The following HOXA13 variants were observed in gnomAD, a reference collection of about 807,000 sequenced individuals.
HOXA13 encodes homeobox A13.
In HOXA13, 5 loss-of-function variants were observed where a neutral mutation model predicts 25.7. The ratio of observed to expected loss-of-function variants is 0.19; its 90% CI spans 0.10 to 0.41. The LOEUF is 0.41. Among genes scored for constraint, HOXA13 ranks in the 10% least tolerant of loss-of-function variants. HOXA13 has a pLI of 1.00. For synonymous variants in HOXA13, 284 were observed against 241.1 expected, an observed-to-expected ratio of 1.18 and a Z score of -1.65; for missense variants, 557 against 533.5, an observed-to-expected ratio of 1.04 and a Z score of -0.43.
chr7:27,198,512 T>C, intron 1 of HOXA13, 70 bp from the exon 2 acceptor site: 1 of 1,597,934 alleles, frequency 6.3e-7, no homozygotes, highest in Non-Finnish European at 8.5e-7. Context: ...GACAGCTCGA[T>C]CTGAGCCACC....
Position 27,199,519 on chromosome 7 carries a change from G to A in HOXA13, c.559C>T (p.His187Tyr), listed in dbSNP as rs1269863211. 3 of 1,594,676 alleles carry A rather than the reference G, an allele frequency of 1.9e-6. No individual in the cohort carries two copies. Among genetic ancestry groups the A allele is most frequent in the Admixed American group, 3.5e-5 (2 of 57,418 alleles). The change falls in exon 1 of 2, where the codon CAC (histidine) becomes TAC (tyrosine). Residue 187 changes from histidine (H) to tyrosine (Y), a missense_variant. Transcript: ENST00000649031. ...GYYPCARMGP[H>Y]PNAIKSCAQP... ...GCGCACGACTTGATGGCGTTGGGGT[G>A]CGGGCCCATGCGGGCGCACGGGTAG...
intron 1 of HOXA13, 154 bp from the exon 2 acceptor site, chr7:27,198,596 TG>T: frequency 2.3e-6 from 2 of 853,208 alleles, no homozygotes; most frequent in East Asian, 5.2e-5. Flanking sequence ...AGAGGGTCAG[TG>T]GGGAAGGTAG....
At chr7:27,198,761 G>A (rs903610557) in intron 1 of HOXA13, 1 of 513,924 alleles carries the variant, frequency 1.9e-6, no homozygotes, top group Non-Finnish European at 3.5e-6. Flanking sequence ...TTCTGTGCCT[G>A]CCTCCTTTCT....
chr7:27,198,612 T>C (rs1013684148), intron 1 of HOXA13, 170 bp from the exon 2 acceptor site: 5 of 754,056 alleles, frequency 6.6e-6, no homozygotes, highest in Non-Finnish European at 8.7e-6. Flanking sequence ...AGGTAGTTAG[T>C]TCTGAACTGA....
Position 27,199,186 on chromosome 7 carries a change from G to A in HOXA13, c.892C>T (p.Pro298Ser). 6.2e-7 allele frequency: 1 copy of A among 1,612,508 alleles called. No individual in the cohort carries two copies. Among genetic ancestry groups the A allele is most frequent in the Non-Finnish European group, 8.5e-7 (1 of 1,179,380 alleles). Reference protein sequence around the residue: ...QMYCPKEQAQPPHLWKSTLPD... With the variant: ...QMYCPKEQAQSPHLWKSTLPD... ...AGAGTGGACTTCCAGAGGTGGGGAG[G>A]CTGCGCCTGCTCTTTGGGGCAGTAC... Residue 298 changes from proline (P) to serine (S), a missense_variant, in exon 1 of 2, where the codon CCT becomes TCT. Pro to Ser is a moderately conservative substitution (Grantham distance 74, BLOSUM62 -1). Transcript: ENST00000649031.
chr7:27,198,723 C>T (rs1456888149), intron 1 of HOXA13: 1 of 556,032 alleles, frequency 1.8e-6, no homozygotes, highest in South Asian at 2.0e-5. Context: ...ACGGCCCACA[C>T]CTTAGCGCCA....
At chr7:27,199,037 A>C (rs1052038488) in intron 1 of HOXA13, 119 bp downstream of exon 1, 1 of 965,698 alleles carries the variant, frequency 1.0e-6, no homozygotes, top group Admixed American at 2.7e-5. Context: ...CCAGGGGTGC[A>C]GAGCCGCTAG....
rs1272951714 is a variant in HOXA13, at chr7:27,199,750, C to A, written c.328G>T (p.Gly110Trp). Reference protein sequence around the residue: ...GAASAYSSAPGEAPPSAAAAA... With the variant: ...GAASAYSSAPWEAPPSAAAAA... Reference sequence around the variant, plus strand: ...GCGGCAGCCGACGGGGGCGCCTCCCCGGGGGCGCTGCTGTAGGCGGACGCG... The same window carrying A: ...GCGGCAGCCGACGGGGGCGCCTCCCAGGGGGCGCTGCTGTAGGCGGACGCG... Residue 110 changes from glycine to tryptophan, a missense_variant, in exon 1 of 2, where the codon GGG becomes TGG. Coordinates refer to ENST00000649031, the MANE Select transcript of HOXA13 (RefSeq NM_000522.5). 6 of 997,918 alleles carry A rather than the reference C, an allele frequency of 6.0e-6. No individual in the cohort carries two copies. Among genetic ancestry groups the A allele is most frequent in the Admixed American group, 5.9e-5 (1 of 17,024 alleles). 61.8% of individuals were successfully genotyped at this position (997,918 alleles called of 1,614,324 possible). A position where few individuals can be genotyped will look rare whatever the true frequency, so the allele number is the denominator to read the frequency against.
In HOXA13 at chr7:27,199,519, G is replaced by C. The variant is rs1269863211; in HGVS notation, c.559C>G (p.His187Asp). ...GYYPCARMGP[H>D]PNAIKSCAQP... is the part of the protein sequence containing the mutation. ...GCGCACGACTTGATGGCGTTGGGGT[G>C]CGGGCCCATGCGGGCGCACGGGTAG... The change falls in exon 1 of 2, where the codon CAC becomes GAC. Residue 187 changes from histidine (H) to aspartate (D), a missense_variant. His to Asp is a moderately conservative substitution (Grantham distance 81, BLOSUM62 -1). Transcript: ENST00000649031. 6 of 1,594,792 alleles carry C rather than the reference G, an allele frequency of 3.8e-6. No homozygotes were observed. The highest frequency in any genetic ancestry group is 5.1e-6 in the Non-Finnish European group (6 of 1,171,482).
chr7:27,199,870 A>T lies in HOXA13; in HGVS notation c.208T>A (p.Phe70Ile). 1 of 1,030,850 alleles carries T rather than the reference A, an allele frequency of 9.7e-7. No individual in the cohort carries two copies. Among genetic ancestry groups the T allele is most frequent in the Non-Finnish European group, 1.2e-6 (1 of 856,324 alleles). 63.9% of individuals were successfully genotyped at this position (1,030,850 alleles called of 1,614,324 possible). ...GCCGCGGCCGCCGCCGCCACCGAGA[A>T]GTTGCCCCCTGCCGCCGCAGCCGCC... The part of the protein sequence containing the change: ...HPAAAAAGGN[F>I]SVAAAAAAAA... Residue 70 changes from phenylalanine (F) to isoleucine (I), a missense_variant, in exon 1 of 2, where the codon TTC becomes ATC. Physicochemically the swap from Phe to Ile is conservative, Grantham distance 21. Transcript: ENST00000649031.
Position 27,197,943 on chromosome 7 carries a change from A to G in HOXA13, c.*255T>C. 1.9e-6 allele frequency: 1 copy of G among 535,156 alleles called. No individual in the cohort carries two copies. The allele number at this position is 535,156 out of a possible 1,614,324, so 33.2% of individuals were successfully genotyped here. A position where few individuals can be genotyped will look rare whatever the true frequency, so the allele number is the denominator to read the frequency against. ...CTGAAATTGCGTATTTTGGGGGTTG[A>G]CGTTTGACATTTAACGGGCTGGGCT... On this transcript the variant is annotated 3_prime_UTR_variant, in exon 2 of 2. Coordinates refer to ENST00000649031, the MANE Select transcript of HOXA13 (RefSeq NM_000522.5).
In HOXA13 at chr7:27,194,704, A is replaced by G. The variant is rs1480927501; in HGVS notation, c.*3494T>C. 1 of 152,160 alleles carries G rather than the reference A, an allele frequency of 6.6e-6. No individual in the cohort carries two copies. The highest frequency in any genetic ancestry group is 1.5e-5 in the Non-Finnish European group (1 of 68,034). The allele number at this position is 152,160 out of a possible 1,614,324, so 9.4% of individuals were successfully genotyped here. On this transcript the variant is annotated 3_prime_UTR_variant, in exon 2 of 2. Coordinates refer to ENST00000649031, the MANE Select transcript of HOXA13 (RefSeq NM_000522.5). ...ACCATTTTAGAACTGGGGGGAAAAA[A>G]TCCCCACAACAACCCTGAAATGTCT...
Position 27,200,026 on chromosome 7 carries a change from A to G in HOXA13, c.52T>C (p.Phe18Leu). The change falls in exon 1 of 2, where the codon TTT becomes CTT. Residue 18 changes from phenylalanine to leucine, a missense_variant. Coordinates refer to ENST00000649031, the MANE Select transcript of HOXA13 (RefSeq NM_000522.5). ...HPRWIEPTVM[F>L]LYDNGGGLVA... ...AGGCCGCCGCCGTTGTCGTAGAGAA[A>G]CATGACGGTGGGCTCGATCCAGCGG... 1.3e-6 allele frequency: 2 copies of G among 1,488,980 alleles called. No homozygotes were observed. Among genetic ancestry groups the G allele is most frequent in the Non-Finnish European group, 1.8e-6 (2 of 1,105,612 alleles). The allele number at this position is 1,488,980 out of a possible 1,614,324, so 92.2% of individuals were successfully genotyped here.
Position 27,199,993 on chromosome 7 carries a change from C to T in HOXA13, c.85G>A (p.Asp29Asn). ...LYDNGGGLVA[D>N]ELNKNMEGAA... is the part of the protein sequence containing the mutation. ...CCTTCCATGTTCTTGTTGAGCTCGTCGGCCACCAGGCCGCCGCCGTTGTCG... is the reference window on the plus strand; with the variant it reads ...CCTTCCATGTTCTTGTTGAGCTCGTTGGCCACCAGGCCGCCGCCGTTGTCG... The change falls in exon 1 of 2, where the codon GAC becomes AAC. Residue 29 changes from aspartate to asparagine, a missense_variant. Physicochemically the swap from Asp to Asn is conservative, Grantham distance 23 (BLOSUM62 1). Transcript: ENST00000649031. 1 of 1,480,698 alleles carries T rather than the reference C, an allele frequency of 6.8e-7. No individual in the cohort carries two copies. Among genetic ancestry groups the T allele is most frequent in the Non-Finnish European group, 9.1e-7 (1 of 1,103,308 alleles). The allele number at this position is 1,480,698 out of a possible 1,614,324, so 91.7% of individuals were successfully genotyped here. A position where few individuals can be genotyped will look rare whatever the true frequency, so the allele number is the denominator to read the frequency against.
At position 27,197,078 on chromosome 7, in the gene HOXA13, G is replaced by A. The variant is rs950063976; in HGVS notation, c.*1120C>T. The A allele has an allele frequency of 1.5e-5, 3 of 205,566 alleles. No homozygotes were observed. Among genetic ancestry groups the A allele is most frequent in the African/African-American group, 4.6e-5 (2 of 43,816 alleles). 12.7% of individuals were successfully genotyped at this position (205,566 alleles called of 1,614,324 possible). On this transcript the variant is annotated 3_prime_UTR_variant, in exon 2 of 2. Transcript: ENST00000649031. ...AACGAATGTGCTGGTTGAAATAACTGCTTGATTAAAAATGTGCTGTGAAGA... is the reference window on the plus strand; with the variant it reads ...AACGAATGTGCTGGTTGAAATAACTACTTGATTAAAAATGTGCTGTGAAGA...
At position 27,199,496 on chromosome 7, in the gene HOXA13, G is replaced by A. The variant is rs1391250154; in HGVS notation, c.582C>T (p.Cys194=). ...MGPHPNAIKS[C]AQPASAAAAA... ...CGGCGGCGGCCGAGGCGGGCTGCGC[G>A]CACGACTTGATGGCGTTGGGGTGCG... The change falls in exon 1 of 2, where the codon TGC becomes TGT. Residue 194 remains cysteine, a synonymous_variant. Coordinates refer to ENST00000649031, the MANE Select transcript of HOXA13 (RefSeq NM_000522.5). 3 of 1,607,690 alleles carry A rather than the reference G, an allele frequency of 1.9e-6. No individual in the cohort carries two copies. The highest frequency in any genetic ancestry group is 1.7e-5 in the Admixed American group (1 of 59,520).
chr7:27,199,049 G>T, intron 1 of HOXA13, 107 bp downstream of exon 1: 1 of 1,100,572 alleles, frequency 9.1e-7, no homozygotes, highest in Non-Finnish European at 1.3e-6. Flanking sequence ...AGCCGCTAGG[G>T]CAGACCAGGA....
Position 27,199,621 on chromosome 7 carries a change from A to T in HOXA13, c.457T>A (p.Cys153Ser). The T allele has an allele frequency of 1.4e-6, 2 of 1,401,292 alleles. No individual in the cohort carries two copies. The highest frequency in any genetic ancestry group is 1.8e-6 in the Non-Finnish European group (2 of 1,085,836). 86.8% of individuals were successfully genotyped at this position (1,401,292 alleles called of 1,614,324 possible). A position where few individuals can be genotyped will look rare whatever the true frequency, so the allele number is the denominator to read the frequency against. ...GPAGAEAAKQ[C>S]SPCSAAAQSS... ...TGCGCCGCTGCCGAGCAGGGGCTGC[A>T]TTGCTTGGCGGCCTCTGCGCCCGCC... Residue 153 changes from cysteine (C) to serine (S), a missense_variant, in exon 1 of 2, where the codon TGC (cysteine) becomes AGC (serine). Cys to Ser is a moderately radical substitution (Grantham distance 112). Transcript: ENST00000649031.
Position 27,195,950 on chromosome 7 carries a change from A to G in HOXA13, c.*2248T>C, listed in dbSNP as rs1783999287. The G allele has an allele frequency of 1.3e-5, 2 of 152,246 alleles. No homozygotes were observed. The highest frequency in any genetic ancestry group is 1.3e-4 in the Admixed American group (2 of 15,284). 9.4% of individuals were successfully genotyped at this position (152,246 alleles called of 1,614,324 possible). On this transcript the variant is annotated 3_prime_UTR_variant, in exon 2 of 2. Coordinates refer to ENST00000649031, the MANE Select transcript of HOXA13 (RefSeq NM_000522.5). ...ATTTAAGAACACATCTTAGACTGTAACAAAAATGTACAGCTTTAAAGCAGA... is the reference window on the plus strand; with the variant it reads ...ATTTAAGAACACATCTTAGACTGTAGCAAAAATGTACAGCTTTAAAGCAGA...
Sources: gnomAD v4.1 joint callset for allele counts on GRCh38, gnomAD v4.1.1 for gene constraint, MANE v1.5 for transcripts, NCBI Gene and HGNC (gene_info 2026-07-23, HGNC 2026-07-21) for gene names.